TTC27: variants seen among roughly 807,000 people sequenced by gnomAD.
The protein encoded by TTC27 is tetratricopeptide repeat protein 27.
Under a neutral mutation model 115.9 loss-of-function variants are expected in TTC27, and 79 were observed. The observed-to-expected ratio is 0.68, with a 90% confidence interval of 0.57 to 0.82. TTC27 has a LOEUF of 0.82. Ranked by LOEUF, TTC27 falls within the 40% of genes least tolerant of loss-of-function variation. TTC27 has a pLI of 0.00. For synonymous variants in TTC27, 401 were observed against 356.0 expected (o/e 1.13, Z -1.42); for missense variants, 1,054 against 993.1 (o/e 1.06, Z -0.82).
At chr2:32,662,560 G>T (rs867163483) in intron 5 of TTC27, among the ~76,000 whole-genome samples, 17 of 152,242 alleles carry the variant, frequency 1.1e-4, no homozygotes, top group African/African-American at 3.4e-4. Flanking sequence ...TTGCATAGAG[G>T]TTTTTATAGT....
At chr2:32,767,456 T>G (rs940399982) in intron 13 of TTC27, among the ~76,000 whole-genome samples, 3 of 139,800 alleles carry the variant, frequency 2.1e-5, no homozygotes, top group Non-Finnish European at 4.7e-5. Context: ...TTTTTTTGTT[T>G]TTTTTTTTTT....
chr2:32,663,346 G>A (rs540365855), intron 5 of TTC27, among the ~76,000 whole-genome samples: 38 of 152,286 alleles, frequency 2.5e-4, no homozygotes, highest in African/African-American at 8.7e-4. Context: ...TTGAGAAGAC[G>A]GGAAAAGCTT....
intron 10 of TTC27, among the ~76,000 whole-genome samples, chr2:32,710,912 G>A (rs1249484074): frequency 6.7e-6 from 1 of 150,366 alleles, no homozygotes; most frequent in African/African-American, 2.4e-5. Flanking sequence ...TTGGGAGTTC[G>A]AAACCAGCCT....
intron 10 of TTC27, among the ~76,000 whole-genome samples, chr2:32,706,075 C>CTG (rs757011051): frequency 7.7e-4 from 64 of 83,072 alleles, no homozygotes; most frequent in Non-Finnish European, 1.3e-3. Context: ...ATTTACCTTA[C>CTG]TCTTTTTTTT....
At chr2:32,740,800 G>T (rs887951343) in intron 12 of TTC27, among the ~76,000 whole-genome samples, 10 of 152,074 alleles carry the variant, frequency 6.6e-5, no homozygotes, top group African/African-American at 2.4e-4. Flanking sequence ...GATTACAGGC[G>T]TGCAGCACCT....
At chr2:32,668,882 A>T (rs978628951) in intron 7 of TTC27, among the ~76,000 whole-genome samples, 1 of 152,016 alleles carries the variant, frequency 6.6e-6, no homozygotes, top group African/African-American at 2.4e-5. Context: ...GATGGAGACC[A>T]TCCTGGCTAA....
At chr2:32,670,971 G>A (rs540105142) in intron 7 of TTC27, among the ~76,000 whole-genome samples, 1 of 149,364 alleles carries the variant, frequency 6.7e-6, no homozygotes, top group East Asian at 1.9e-4. Flanking sequence ...AGTTCTAAGA[G>A]TTCTCCATAT....
intron 9 of TTC27, among the ~76,000 whole-genome samples, chr2:32,682,652 C>G (rs940387139): frequency 6.8e-6 from 1 of 147,152 alleles, no homozygotes; most frequent in Admixed American, 6.9e-5. Flanking sequence ...GATAGAAGAG[C>G]AAATATAATA....
chr2:32,730,721 A>C (rs941535474), intron 10 of TTC27, among the ~76,000 whole-genome samples: 2 of 151,716 alleles, frequency 1.3e-5, no homozygotes, highest in Admixed American at 6.6e-5. Context: ...TCCTGGGTTC[A>C]AGAAATTCTC....
intron 16 of TTC27, among the ~76,000 whole-genome samples, chr2:32,795,979 A>T (rs1670690022): frequency 6.6e-6 from 1 of 152,138 alleles, no homozygotes; most frequent in African/African-American, 2.4e-5. Flanking sequence ...TTATACAAGA[A>T]AAAGAAGTAA....
At chr2:32,762,989 A>G (rs1457752392) in intron 13 of TTC27, among the ~76,000 whole-genome samples, 1 of 152,204 alleles carries the variant, frequency 6.6e-6, no homozygotes, top group East Asian at 1.9e-4. Flanking sequence ...GAGGGGCAAT[A>G]GGAAGGAAGG....
Position 32,640,403 on chromosome 2 carries a change from C to T in TTC27, c.530C>T (p.Ala177Val), listed in dbSNP as rs1664598080. The change falls in exon 4 of 20, where the codon GCT becomes GTT. Residue 177 changes from alanine to valine, a missense_variant. Physicochemically the swap from Ala to Val is moderately conservative, Grantham distance 64. Transcript: ENST00000317907. The part of the protein sequence containing the change: ...ILVNVRHKLT[A>V]IQSLPWWTLR... ...GTGAATGTAAGACATAAACTGACAGCTATTCAGGTAAGGAAAGGATCCATG... is the reference window on the plus strand; with the variant it reads ...GTGAATGTAAGACATAAACTGACAGTTATTCAGGTAAGGAAAGGATCCATG... The T allele has an allele frequency of 1.2e-6, 2 of 1,613,416 alleles. No homozygotes were observed.
chr2:32,756,871 T>G (rs952615471), intron 12 of TTC27, among the ~76,000 whole-genome samples: 2 of 152,200 alleles, frequency 1.3e-5, no homozygotes, highest in Admixed American at 6.5e-5. Context: ...ATGTTGAAGT[T>G]TATCAGAAAT....
intron 10 of TTC27, among the ~76,000 whole-genome samples, chr2:32,718,749 C>A (rs1667829901): frequency 6.6e-6 from 1 of 152,150 alleles, no homozygotes; most frequent in Non-Finnish European, 1.5e-5. Flanking sequence ...GCACTGTGAC[C>A]AGAGTGTGGC....
intron 9 of TTC27, among the ~76,000 whole-genome samples, chr2:32,695,921 T>C (rs1308495613): frequency 6.7e-6 from 1 of 149,610 alleles, no homozygotes; most frequent in African/African-American, 2.5e-5. Context: ...TAAAATAAAA[T>C]AAAATAAAAT....
At chr2:32,721,659 T>C (rs1667931745) in intron 10 of TTC27, among the ~76,000 whole-genome samples, 1 of 150,802 alleles carries the variant, frequency 6.6e-6, no homozygotes, top group African/African-American at 2.4e-5. Context: ...AGAGTCTTGC[T>C]GTGTCACCCA....
chr2:32,768,714 TATC>T (rs1279964079), intron 13 of TTC27, among the ~76,000 whole-genome samples: 1 of 152,196 alleles, frequency 6.6e-6, no homozygotes, highest in Non-Finnish European at 1.5e-5. Context: ...ATGGGTGAGT[TATC>T]AGTGGCTTGA....
chr2:32,750,306 G>A (rs1348754888), intron 12 of TTC27, among the ~76,000 whole-genome samples: 2 of 152,218 alleles, frequency 1.3e-5, no homozygotes, highest in Non-Finnish European at 2.9e-5. Flanking sequence ...CAGTTGGAAG[G>A]ACAAGGTATA....
At chr2:32,666,082 T>C (rs1484477597) in intron 6 of TTC27, among the ~76,000 whole-genome samples, 4 of 152,298 alleles carry the variant, frequency 2.6e-5, no homozygotes, top group East Asian at 3.9e-4. Flanking sequence ...AGAGAGTGGA[T>C]GTTGGAACTT....
Sources: gnomAD v4.1 joint callset for allele counts (sites outside exome capture counted in the v4.1 genomes callset) on GRCh38, gnomAD v4.1.1 for gene constraint, MANE v1.5 for transcripts, NCBI Gene and HGNC (gene_info 2026-07-23, HGNC 2026-07-21) for gene names.